RGPD2: variants seen among roughly 807,000 people sequenced by gnomAD.
RGPD2 encodes RANBP2-like and GRIP domain-containing protein 2.
A neutral mutation model predicts 36.0 loss-of-function variants in RGPD2; 2 were observed. The ratio of observed to expected loss-of-function variants is 0.06; its 90% CI spans 0.02 to 0.17. RGPD2 has a LOEUF of 0.17. Among genes scored for constraint, RGPD2 ranks in the 10% least tolerant of loss-of-function variants. The probability of loss-of-function intolerance (pLI) is 1.00; values close to 1 mark genes in which losing one functional copy is unlikely to be tolerated. For missense variants in RGPD2, 40 were observed against 464.3 expected (o/e 0.09, Z 8.40); for synonymous variants, 19 against 163.8 (o/e 0.12, Z 6.75).
the RGPD2 span, among the ~76,000 whole-genome samples, chr2:87,935,101 G>A: frequency 7.2e-6 from 1 of 138,060 alleles, no homozygotes; most frequent in Non-Finnish European, 1.6e-5. Context: ...TGAAAGAACA[G>A]AGCAAAGCAG....
chr2:87,857,497 C>T, the RGPD2 span, among the ~76,000 whole-genome samples: 2 of 151,572 alleles, frequency 1.3e-5, no homozygotes. Flanking sequence ...CGCCCGCCTC[C>T]ACGCCTGGCT....
At chr2:87,827,104 C>G (rs1686832533), upstream of RGPD2, among the ~76,000 whole-genome samples, 1 of 151,644 alleles carries the variant, frequency 6.6e-6, no homozygotes, top group African/African-American at 2.4e-5. Context: ...CTCTCTTTGT[C>G]TAATTTATCT....
the RGPD2 span, among the ~76,000 whole-genome samples, chr2:87,970,000 T>C: frequency 2.0e-5 from 3 of 151,666 alleles, no homozygotes; most frequent in Non-Finnish European, 4.4e-5. Context: ...TTTTATATCA[T>C]AATTTCAATT....
the RGPD2 span, among the ~76,000 whole-genome samples, chr2:87,963,153 TAAA>T: frequency 1.1e-4 from 17 of 152,288 alleles, no homozygotes; most frequent in East Asian, 3.3e-3. Flanking sequence ...AATTTAAAAA[TAAA>T]AACCAAAAGA....
chr2:87,921,504 A>C, the RGPD2 span, among the ~76,000 whole-genome samples: 1 of 152,174 alleles, frequency 6.6e-6, no homozygotes, highest in Admixed American at 6.5e-5. Flanking sequence ...CCAAAGCAGG[A>C]ACTTGAAAAA....
the RGPD2 span, among the ~76,000 whole-genome samples, chr2:87,903,467 C>G: frequency 6.6e-6 from 1 of 152,366 alleles, no homozygotes; most frequent in African/African-American, 2.4e-5. Flanking sequence ...CATCTCATGT[C>G]CTTAGCAAAT....
At chr2:87,830,553 A>T (rs1672466103), upstream of RGPD2, among the ~76,000 whole-genome samples, 1 of 152,120 alleles carries the variant, frequency 6.6e-6, no homozygotes, top group South Asian at 2.1e-4. Flanking sequence ...TCAGTATCTT[A>T]ATAGCAGTAC....
the RGPD2 span, among the ~76,000 whole-genome samples, chr2:87,864,295 C>T: frequency 2.6e-5 from 4 of 152,364 alleles, no homozygotes; most frequent in Admixed American, 2.6e-4. Context: ...CTGGGACATT[C>T]GTCTTCTGCT....
At chr2:87,860,670 T>G in the RGPD2 span, among the ~76,000 whole-genome samples, 1 of 152,060 alleles carries the variant, frequency 6.6e-6, no homozygotes, top group Non-Finnish European at 1.5e-5. Flanking sequence ...ATAGTTTCAT[T>G]TGAGACAAAC....
chr2:87,897,687 C>T, the RGPD2 span, among the ~76,000 whole-genome samples: 2 of 151,886 alleles, frequency 1.3e-5, no homozygotes, highest in Non-Finnish European at 2.9e-5. Context: ...CATGTGTTCT[C>T]ATTGCTCAGC....
the RGPD2 span, among the ~76,000 whole-genome samples, chr2:87,965,600 TCTC>T: frequency 2.0e-5 from 3 of 152,094 alleles, no homozygotes; most frequent in African/African-American, 4.8e-5. Flanking sequence ...TACACGTGGC[TCTC>T]CTAATTTTTA....
At chr2:87,910,471 C>T in the RGPD2 span, among the ~76,000 whole-genome samples, 19 of 152,384 alleles carry the variant, frequency 1.2e-4, no homozygotes, top group African/African-American at 2.9e-4. Context: ...TAGAAATAGA[C>T]GGGATTCATC....
intron 7 of RGPD2, among the ~76,000 whole-genome samples, chr2:87,805,796 C>G (rs1685927253): frequency 6.6e-6 from 1 of 151,272 alleles, no homozygotes; most frequent in East Asian, 1.9e-4. Context: ...GGAGGTGGAG[C>G]TTGCAGTGAG....
chr2:87,865,215 T>G, the RGPD2 span, among the ~76,000 whole-genome samples: 4 of 152,194 alleles, frequency 2.6e-5, no homozygotes, highest in South Asian at 4.1e-4. Context: ...TATAGGATTC[T>G]GTCTTTTGGT....
At chr2:87,858,045 A>G in the RGPD2 span, among the ~76,000 whole-genome samples, 2 of 152,392 alleles carry the variant, frequency 1.3e-5, no homozygotes, top group East Asian at 3.9e-4. Flanking sequence ...AGACACACAC[A>G]CACACATATA....
At chr2:87,849,141 T>C in the RGPD2 span, among the ~76,000 whole-genome samples, 2 of 151,574 alleles carry the variant, frequency 1.3e-5, no homozygotes, top group Non-Finnish European at 2.9e-5. Flanking sequence ...CTTCCAAGCA[T>C]GTGTAGTGAG....
At chr2:87,960,015 C>G in the RGPD2 span, among the ~76,000 whole-genome samples, 41 of 54,500 alleles carry the variant, frequency 7.5e-4, no homozygotes, top group African/African-American at 2.0e-3. Context: ...ATTGTACTTT[C>G]TGAAGCTTTT....
At chr2:87,872,874 C>G in the RGPD2 span, among the ~76,000 whole-genome samples, 1 of 152,126 alleles carries the variant, frequency 6.6e-6, no homozygotes, top group Non-Finnish European at 1.5e-5. Context: ...ATTCTCCTGC[C>G]TCAGCCTCAT....
chr2:87,906,685 A>AT, the RGPD2 span, among the ~76,000 whole-genome samples: 2 of 150,222 alleles, frequency 1.3e-5, no homozygotes, highest in Non-Finnish European at 3.0e-5. Context: ...TAATGAATGC[A>AT]TTAGTACACC....
Sources: allele counts gnomAD v4.1 joint callset (sites outside exome capture counted in the v4.1 genomes callset), GRCh38; gene constraint gnomAD v4.1.1; transcripts MANE v1.5; gene names NCBI Gene and HGNC (gene_info 2026-07-23, HGNC 2026-07-21).